XPOT: variants seen among roughly 807,000 people sequenced by gnomAD.
The protein encoded by XPOT is exportin-T.
A neutral mutation model predicts 128.2 loss-of-function variants in XPOT; 34 were observed. That is an observed-to-expected ratio of 0.27 (90% confidence interval 0.20 to 0.35). The LOEUF is 0.35. Ranked by LOEUF, XPOT falls within the 10% of genes least tolerant of loss-of-function variation. The pLI, the probability that XPOT is intolerant of heterozygous loss-of-function variation, is 1.00. For synonymous variants in XPOT, 348 were observed against 394.3 expected (o/e 0.88, Z 1.39); for missense variants, 838 against 1,125.3 (o/e 0.74, Z 3.65).
chr12:64,409,464 G>A lies in XPOT; in HGVS notation c.-74-498G>A, dbSNP rs557159154. 1.2e-4 allele frequency among the ~76,000 whole-genome samples: 19 copies of A among 152,320 alleles called. No homozygotes were observed. In the East Asian group the frequency reaches 3.1e-3, roughly 25 times the overall value. ...TTTAAGATTTTTAGGGGCCAGGTGG[G>A]GTGGCTCATGCCTGTAATCCCAGCA... On this transcript the variant is annotated intron_variant, in intron 1 of 24. Transcript: ENST00000332707.
chr12:64,413,379 C>G (rs573595771), intron 2 of XPOT, among the ~76,000 whole-genome samples: 1 of 152,284 alleles, frequency 6.6e-6, no homozygotes, highest in South Asian at 2.1e-4. Flanking sequence ...CCTTGACCCC[C>G]CAGAGTGTTG....
chr12:64,409,834 A>G (rs1447338159), intron 1 of XPOT, 128 bp from the exon 2 acceptor site: 1 of 530,456 alleles, frequency 1.9e-6, no homozygotes, highest in Non-Finnish European at 3.3e-6. Context: ...TGTAATTTAG[A>G]TAAGTTCCAA....
At chr12:64,433,053 C>T (rs898245816) in intron 18 of XPOT, among the ~76,000 whole-genome samples, 1 of 152,152 alleles carries the variant, frequency 6.6e-6, no homozygotes, top group African/African-American at 2.4e-5. Flanking sequence ...AGTTCCCCTG[C>T]GTCAGCCTCC....
At chr12:64,420,732 A>G (rs2040130439) in intron 8 of XPOT, among the ~76,000 whole-genome samples, 4 of 152,196 alleles carry the variant, frequency 2.6e-5, no homozygotes, top group African/African-American at 9.7e-5. Context: ...GAAAGCCTGT[A>G]ATTGCACATT....
chr12:64,434,248 G>A (rs375939019), intron 19 of XPOT, among the ~76,000 whole-genome samples: 11 of 152,174 alleles, frequency 7.2e-5, no homozygotes, highest in South Asian at 6.2e-4. Flanking sequence ...AATCTTCCTC[G>A]GCCTTACAAA....
Position 64,430,062 on chromosome 12 carries a change from A to C in XPOT, c.1751A>C (p.Gln584Pro). 1.3e-6 allele frequency: 2 copies of C among 1,594,078 alleles called. No individual in the cohort carries two copies. Among genetic ancestry groups the C allele is most frequent in the South Asian group, 1.1e-5 (1 of 87,152 alleles). The stretch of plus-strand genomic sequence containing the variant: ...ATTTCATTCTAGGAGAATGGCCACC[A>C]GTCCTTACTGAGCAGCGATGATCAA... ...LELSPPENGH[Q>P]SLLSSDDQLF... The change falls in exon 17 of 25, where the codon CAG becomes CCG. Residue 584 changes from glutamine to proline, a missense_variant. Physicochemically the swap from Gln to Pro is moderately conservative, Grantham distance 76. This residue lies in a region of XPOT where 761 missense variants were observed against 988.3 expected (regional missense o/e 0.77). Coordinates refer to ENST00000332707, the MANE Select transcript of XPOT (RefSeq NM_007235.6).
intron 24 of XPOT, among the ~76,000 whole-genome samples, chr12:64,445,408 G>A (rs1349189913): frequency 6.6e-6 from 1 of 152,178 alleles, no homozygotes; most frequent in Non-Finnish European, 1.5e-5. Context: ...TCCAAATTAA[G>A]TTGAAAAGAA....
rs1183996379 is a variant in XPOT, at chr12:64,404,468, C to T, written c.-411C>T. The T allele has an allele frequency of 6.4e-6, 1 of 157,248 alleles. No homozygotes were observed. The highest frequency in any genetic ancestry group is 1.4e-5 in the Non-Finnish European group (1 of 72,496). 9.7% of individuals were successfully genotyped at this position (157,248 alleles called of 1,614,324 possible). A position where few individuals can be genotyped will look rare whatever the true frequency, so the allele number is the denominator to read the frequency against. ...GGGAGCGCGCTTCGCGCTGACTCAG[C>T]GGCGGCGGCGGCTGCGGCGGCGGCG... is the stretch of plus-strand genomic sequence containing the variant. On this transcript the variant is annotated 5_prime_UTR_variant, in exon 1 of 25. Transcript: ENST00000332707.
chr12:64,434,791 C>CA lies in XPOT; in HGVS notation c.2570-2dup. ...AAGATGAAAATTTGAATTCTCTTGA[C>CA]AGGAGGTAAAGATGGACCAGTGGGA... is the stretch of plus-strand genomic sequence containing the variant. On this transcript the variant is annotated splice_region_variant and splice_polypyrimidine_tract_variant and intron_variant, in intron 20 of 24. Coordinates refer to ENST00000332707, the MANE Select transcript of XPOT (RefSeq NM_007235.6). The CA allele has an allele frequency of 1.9e-6, 3 of 1,610,944 alleles. No individual in the cohort carries two copies. The highest frequency in any genetic ancestry group is 2.5e-6 in the Non-Finnish European group (3 of 1,179,120).
intron 4 of XPOT, among the ~76,000 whole-genome samples, chr12:64,417,419 G>A (rs1278788126): frequency 2.6e-5 from 4 of 151,834 alleles, no homozygotes; most frequent in Admixed American, 6.6e-5. Flanking sequence ...ATGATTGCGC[G>A]CTTCTGTATT....
intron 23 of XPOT, among the ~76,000 whole-genome samples, chr12:64,444,323 T>G (rs2040351118): frequency 6.6e-6 from 1 of 152,222 alleles, no homozygotes; most frequent in Non-Finnish European, 1.5e-5. Context: ...AGTACTGACA[T>G]TTGAAAATGC....
chr12:64,425,663 G>A, intron 14 of XPOT, 152 bp from the exon 15 acceptor site: 1 of 960,164 alleles, frequency 1.0e-6, no homozygotes, highest in South Asian at 1.6e-5. Flanking sequence ...TCAAGGGACT[G>A]TTTGTGTGTA....
intron 3 of XPOT, 116 bp downstream of exon 3, chr12:64,415,105 T>G (rs1203737708): frequency 2.9e-6 from 2 of 699,888 alleles, no homozygotes; most frequent in African/African-American, 3.6e-5. Flanking sequence ...CTTTTTTTTT[T>G]TTTTGCAAAG....
At chr12:64,409,263 A>G (rs2040012678) in intron 1 of XPOT, among the ~76,000 whole-genome samples, 2 of 152,146 alleles carry the variant, frequency 1.3e-5, no homozygotes, top group South Asian at 2.1e-4. Context: ...AATAGTCTGC[A>G]TTTGTCATTT....
At chr12:64,410,116 A>AC (rs1438562669) in intron 2 of XPOT, 21 bp downstream of exon 2, 17 of 1,611,762 alleles carry the variant, frequency 1.1e-5, no homozygotes, top group Non-Finnish European at 1.4e-5. Context: ...CTGCTGAATC[A>AC]TTTTTTAATC....
In XPOT at chr12:64,449,525, T is replaced by C. The variant is rs938027169; in HGVS notation, c.*1394T>C. 6.6e-6 allele frequency: 1 copy of C among 152,244 alleles called. No homozygotes were observed. The highest frequency in any genetic ancestry group is 1.5e-5 in the Non-Finnish European group (1 of 68,044). 9.4% of individuals were successfully genotyped at this position (152,244 alleles called of 1,614,324 possible). A position where few individuals can be genotyped will look rare whatever the true frequency, so the allele number is the denominator to read the frequency against. ...GTTCAGGGAGGGTTTGTTTTGCCCT[T>C]TGGCCTCATGAATGGGTTTCATGAA... On this transcript the variant is annotated 3_prime_UTR_variant, in exon 25 of 25. Transcript: ENST00000332707.
chr12:64,431,803 C>G lies in XPOT; in HGVS notation c.2242C>G (p.Gln748Glu). Residue 748 changes from glutamine (Q) to glutamate (E), a missense_variant, in exon 18 of 25, where the codon CAG (glutamine) becomes GAG (glutamate). Physicochemically the swap from Gln to Glu is conservative, Grantham distance 29. This residue lies in a region of XPOT where 761 missense variants were observed against 988.3 expected (regional missense o/e 0.77). Transcript: ENST00000332707. ...CCAGGAGTTCATTCCTCTTATCAAC[C>G]AGATTACGGCCAAATTCAAGGTACC... ...DLQEFIPLIN[Q>E]ITAKFKIQVS... 1 of 1,612,526 alleles carries G rather than the reference C, an allele frequency of 6.2e-7. No individual in the cohort carries two copies. The highest frequency in any genetic ancestry group is 8.5e-7 in the Non-Finnish European group (1 of 1,179,060).
chr12:64,437,233 A>C (rs1267578321), intron 22 of XPOT, among the ~76,000 whole-genome samples: 3 of 152,202 alleles, frequency 2.0e-5, no homozygotes, highest in African/African-American at 7.2e-5. Flanking sequence ...AAAGGTAAAT[A>C]AGGCATCCCC....
rs1437955398 is a variant in XPOT at position 64,449,186 on chromosome 12, C to G, written c.*1055C>G. The stretch of plus-strand genomic sequence containing the variant: ...CGCCAGCCTGGGCAAGAGAGTAAGA[C>G]TCTCTCTCAAAAAAAAAAAAAAAGA... On this transcript the variant is annotated 3_prime_UTR_variant, in exon 25 of 25. Coordinates refer to ENST00000332707, the MANE Select transcript of XPOT (RefSeq NM_007235.6). 8.9e-6 allele frequency: 1 copy of G among 111,942 alleles called. No homozygotes were observed. The highest frequency in any genetic ancestry group is 1.8e-5 in the Non-Finnish European group (1 of 54,900). 6.9% of individuals were successfully genotyped at this position (111,942 alleles called of 1,614,324 possible).
Sources: gnomAD v4.1 joint callset for allele counts (sites outside exome capture counted in the v4.1 genomes callset) on GRCh38, gnomAD v4.1.1 for gene constraint, gnomAD v4.1.1 regional missense constraint, MANE v1.5 for transcripts, NCBI Gene and HGNC (gene_info 2026-07-23, HGNC 2026-07-21) for gene names.